LPGAT1: variants seen among roughly 807,000 people sequenced by gnomAD.
The protein encoded by LPGAT1 is acyl-CoA:lysophosphatidylglycerol acyltransferase 1.
In LPGAT1, 11 loss-of-function variants were observed where a neutral mutation model predicts 47.5. That is an observed-to-expected ratio of 0.23 (90% CI 0.15 to 0.38). The LOEUF is 0.38. Among genes scored for constraint, LPGAT1 ranks in the 10% least tolerant of loss-of-function variants. LPGAT1 has a pLI of 1.00. For missense variants in LPGAT1, 293 were observed against 439.0 expected (o/e 0.67, Z 2.97); for synonymous variants, 138 against 144.2 (o/e 0.96, Z 0.31).
intron 2 of LPGAT1, among the ~76,000 whole-genome samples, chr1:211,822,071 G>C (rs1660383826): frequency 6.6e-6 from 1 of 152,152 alleles, no homozygotes; most frequent in Non-Finnish European, 1.5e-5. Context: ...AAAAATTGGA[G>C]TTTGAAAACA....
chr1:211,763,312 T>C (rs1558257370), intron 6 of LPGAT1, among the ~76,000 whole-genome samples: 1 of 152,122 alleles, frequency 6.6e-6, no homozygotes, highest in Non-Finnish European at 1.5e-5. Context: ...GATTAATGAG[T>C]TATCAATGGA....
At position 211,823,499 on chromosome 1, in the gene LPGAT1, C is replaced by G. The variant is rs1257616213; in HGVS notation, c.238+5560G>C. Among the ~76,000 whole-genome samples the G allele has an allele frequency of 3.3e-5, 5 of 152,250 alleles. No homozygotes were observed. In the East Asian group the frequency reaches 9.7e-4, roughly 29 times the overall value. The stretch of plus-strand genomic sequence containing the variant: ...GCCCCTCCTTTTACCTCCCCTTGTA[C>G]CCCTGTATATTTTCATTGTTGGTGC... On this transcript the variant is annotated intron_variant, in intron 2 of 7. Coordinates refer to ENST00000366997, the MANE Select transcript of LPGAT1 (RefSeq NM_014873.3).
intron 6 of LPGAT1, among the ~76,000 whole-genome samples, chr1:211,768,281 C>T (rs1237953931): frequency 6.6e-6 from 1 of 152,116 alleles, no homozygotes; most frequent in Non-Finnish European, 1.5e-5. Flanking sequence ...TGCAATTATT[C>T]AAATAGTTAT....
chr1:211,795,073 G>A (rs1184934064), intron 2 of LPGAT1, among the ~76,000 whole-genome samples: 1 of 152,114 alleles, frequency 6.6e-6, no homozygotes, highest in African/African-American at 2.4e-5. Flanking sequence ...AATGAGTACA[G>A]TGTTTCAGTT....
intron 6 of LPGAT1, among the ~76,000 whole-genome samples, chr1:211,766,641 T>G (rs975740986): frequency 6.6e-6 from 1 of 152,212 alleles, no homozygotes; most frequent in African/African-American, 2.4e-5. Flanking sequence ...GGCAACACAG[T>G]ACACTGTGGA....
At chr1:211,754,963 G>A (rs1205364606) in intron 6 of LPGAT1, among the ~76,000 whole-genome samples, 5 of 150,642 alleles carry the variant, frequency 3.3e-5, no homozygotes, top group South Asian at 2.1e-4. Flanking sequence ...GCAGCAAGCC[G>A]CAATGGCGCC....
rs1441230209 is a variant in LPGAT1 at position 211,744,619 on chromosome 1, A to G, written c.*5280T>C. The G allele has an allele frequency of 6.6e-6, 1 of 152,246 alleles. No individual in the cohort carries two copies. Among genetic ancestry groups the G allele is most frequent in the East Asian group, 1.9e-4 (1 of 5,206 alleles). The allele number at this position is 152,246 out of a possible 1,614,324, so 9.4% of individuals were successfully genotyped here. ...AGCAACTAAGTATACTGTGAGAATC[A>G]ACTGGCTATATGGGATTTACAATAA... On this transcript the variant is annotated 3_prime_UTR_variant, in exon 8 of 8. Transcript: ENST00000366997.
chr1:211,791,796 A>C (rs1041151418), intron 3 of LPGAT1, among the ~76,000 whole-genome samples: 7 of 147,548 alleles, frequency 4.7e-5, no homozygotes, highest in Non-Finnish European at 6.1e-5. Context: ...ACAAAAAAAA[A>C]CATTGTTTGT....
intron 6 of LPGAT1, among the ~76,000 whole-genome samples, chr1:211,777,311 G>A (rs1658443164): frequency 6.6e-6 from 1 of 152,038 alleles, no homozygotes; most frequent in African/African-American, 2.4e-5. Context: ...CTCCATTTCT[G>A]AACACAGGTA....
At chr1:211,778,700 C>T (rs1177185166) in intron 6 of LPGAT1, among the ~76,000 whole-genome samples, 3 of 151,994 alleles carry the variant, frequency 2.0e-5, no homozygotes, top group Non-Finnish European at 2.9e-5. Context: ...GTCAGGCAAC[C>T]GAATAATCAT....
In LPGAT1 at chr1:211,776,480, T is replaced by G. The variant is rs550848066; in HGVS notation, c.854+2438A>C. On this transcript the variant is annotated intron_variant, in intron 6 of 7. Coordinates refer to ENST00000366997, the MANE Select transcript of LPGAT1 (RefSeq NM_014873.3). ...TGAACCCAGGAGGTGGAGGTTGCAG[T>G]GCCCACTGCACTCTAGCCTGGGCGA... 2.0e-5 allele frequency among the ~76,000 whole-genome samples: 3 copies of G among 152,180 alleles called. No homozygotes were observed. The East Asian group carries it at 5.8e-4, about 29-fold the overall frequency.
In LPGAT1 at chr1:211,783,251, T is replaced by C; in HGVS notation, c.705A>G (p.Ala235=). ...TACCTAATTCTTTAGCATCTCCTCC[T>C]GCTGGACTTCCATTTTTCTGTTGTG... ...LVAQQKNGSP[A]GGDAKELDSK... is the part of the protein sequence containing the mutation. Residue 235 remains alanine (A), a synonymous_variant, in exon 5 of 8, where the codon GCA becomes GCG. Coordinates refer to ENST00000366997, the MANE Select transcript of LPGAT1 (RefSeq NM_014873.3). 6.2e-7 allele frequency: 1 copy of C among 1,612,706 alleles called. No homozygotes were observed. Among genetic ancestry groups the C allele is most frequent in the South Asian group, 1.1e-5 (1 of 91,044 alleles).
intron 2 of LPGAT1, among the ~76,000 whole-genome samples, chr1:211,815,147 C>A (rs1290303806): frequency 5.3e-5 from 8 of 152,224 alleles, no homozygotes; most frequent in Non-Finnish European, 1.0e-4. Context: ...GCCGATTTCT[C>A]TTTCTAGCTC....
intron 2 of LPGAT1, among the ~76,000 whole-genome samples, chr1:211,821,601 T>C (rs1042653881): frequency 2.9e-4 from 44 of 152,150 alleles, no homozygotes; most frequent in Non-Finnish European, 1.3e-4. Context: ...CAATGTATAG[T>C]CTTAAAGCTC....
Position 211,768,647 on chromosome 1 carries a change from G to GT in LPGAT1, c.854+10270dup, listed in dbSNP as rs1420204582. 2.0e-5 allele frequency among the ~76,000 whole-genome samples: 3 copies of GT among 152,282 alleles called. No homozygotes were observed. In the East Asian group the frequency reaches 5.8e-4, roughly 29 times the overall value. ...TCAAAACACATATCTCTATCGTGTG[G>GT]TTTTCAGAGCTTAATTCTGGTATCT... On this transcript the variant is annotated intron_variant, in intron 6 of 7. Coordinates refer to ENST00000366997, the MANE Select transcript of LPGAT1 (RefSeq NM_014873.3).
chr1:211,786,172 A>T (rs1398110256), intron 4 of LPGAT1, among the ~76,000 whole-genome samples: 1 of 152,170 alleles, frequency 6.6e-6, no homozygotes, highest in African/African-American at 2.4e-5. Flanking sequence ...GGGTATGCTT[A>T]TATTTGTTTC....
In LPGAT1 at chr1:211,800,158, C is replaced by T. The variant is rs1659516840; in HGVS notation, c.239-6968G>A. Among the ~76,000 whole-genome samples, 4 of 151,914 alleles carry T rather than the reference C, an allele frequency of 2.6e-5. No individual in the cohort carries two copies. In the South Asian group the frequency reaches 8.3e-4, roughly 32 times the overall value. Reference sequence around the variant, plus strand: ...TAAGTGATTCTCCTGCCTCAGCCTCCCGAGTAACTGGAACTACAGGTATGT... The same window carrying T: ...TAAGTGATTCTCCTGCCTCAGCCTCTCGAGTAACTGGAACTACAGGTATGT... On this transcript the variant is annotated intron_variant, in intron 2 of 7. Coordinates refer to ENST00000366997, the MANE Select transcript of LPGAT1 (RefSeq NM_014873.3).
At chr1:211,783,948 A>G (rs908207324) in intron 4 of LPGAT1, among the ~76,000 whole-genome samples, 1 of 152,260 alleles carries the variant, frequency 6.6e-6, no homozygotes, top group East Asian at 1.9e-4. Context: ...GAAAGGGTCA[A>G]GAGGGTCAGA....
intron 6 of LPGAT1, among the ~76,000 whole-genome samples, chr1:211,767,748 A>G (rs1657978081): frequency 6.6e-6 from 1 of 152,222 alleles, no homozygotes; most frequent in Non-Finnish European, 1.5e-5. Context: ...ATCAATAATT[A>G]TAAGCAATGA....
Sources: allele counts gnomAD v4.1 joint callset (sites outside exome capture counted in the v4.1 genomes callset), GRCh38; gene constraint gnomAD v4.1.1; transcripts MANE v1.5; gene names NCBI Gene and HGNC (gene_info 2026-07-23, HGNC 2026-07-21).